Variants in PDLIM7 observed in about 807,000 individuals in gnomAD.
PDLIM7 encodes the protein PDZ and LIM domain protein 7.
Under a neutral mutation model 53.9 loss-of-function variants are expected in PDLIM7, and 37 were observed. The observed-to-expected ratio is 0.69, with a 90% CI of 0.53 to 0.90. PDLIM7 has a LOEUF of 0.90. PDLIM7 is among the 40% of genes least tolerant of loss of function. The pLI is 0.00. For synonymous variants in PDLIM7, 300 were observed against 261.3 expected (o/e 1.15, Z -1.43); for missense variants, 617 against 638.5 (o/e 0.97, Z 0.36).
At chr5:177,492,919 G>C (rs1758880805) in intron 2 of PDLIM7, 1 of 536,140 alleles carries the variant, frequency 1.9e-6, no homozygotes, top group East Asian at 3.0e-5. Context: ...CTCTCCCTCA[G>C]GTGGTGCTCA....
chr5:177,489,564 C>T lies in PDLIM7; in HGVS notation c.698G>A (p.Arg233His), dbSNP rs752935113. The part of the protein sequence containing the change: ...PWAVDPAFAE[R>H]YAPDKTSTVL... ...TGTGCTCGTTTTGTCCGGGGCATAG[C>T]GCTCGGCAAACGCAGGGTCCACAGC... Residue 233 changes from arginine (R) to histidine (H), a missense_variant, in exon 9 of 13, where the codon CGC (arginine) becomes CAC (histidine). Transcript: ENST00000355841. 4.3e-6 allele frequency: 7 copies of T among 1,610,712 alleles called. No homozygotes were observed. The highest frequency in any genetic ancestry group is 2.2e-5 in the South Asian group (2 of 90,646).
intron 5 of PDLIM7, chr5:177,491,549 C>T (rs1158527313): frequency 1.3e-6 from 1 of 797,394 alleles, no homozygotes. Context: ...CTCAGCTGGC[C>T]CGACACCACA....
intron 10 of PDLIM7, among the ~76,000 whole-genome samples, chr5:177,486,797 A>AT (rs1013282611): frequency 1.4e-5 from 2 of 147,758 alleles, no homozygotes; most frequent in Non-Finnish European, 1.5e-5. Context: ...TGCCCGGCCA[A>AT]TTTTTTTGTA....
Position 177,489,597 on chromosome 5 carries a change from G to T in PDLIM7, c.665C>A (p.Pro222Gln). The T allele has an allele frequency of 6.2e-7, 1 of 1,605,526 alleles. No individual in the cohort carries two copies. Among genetic ancestry groups the T allele is most frequent in the East Asian group, 2.2e-5 (1 of 44,700 alleles). ...GPTAPSPTSR[P>Q]PWAVDPAFAE... Reference sequence around the variant, plus strand: ...AAACGCAGGGTCCACAGCCCAGGGCGGGCGGCTGGTAGGGCTGGGGGCGGT... The same window carrying T: ...AAACGCAGGGTCCACAGCCCAGGGCTGGCGGCTGGTAGGGCTGGGGGCGGT... Residue 222 changes from proline to glutamine, a missense_variant, in exon 9 of 13, where the codon CCG becomes CAG. Physicochemically the swap from Pro to Gln is moderately conservative, Grantham distance 76. Coordinates refer to ENST00000355841, the MANE Select transcript of PDLIM7 (RefSeq NM_005451.5).
chr5:177,492,221 T>C, intron 4 of PDLIM7, 184 bp downstream of exon 4: 1 of 703,608 alleles, frequency 1.4e-6, no homozygotes, highest in Non-Finnish European at 2.3e-6. Context: ...CGGACATGCG[T>C]GGTGCCAGGA....
Position 177,484,186 on chromosome 5 carries a change from A to G in PDLIM7, c.1055T>C (p.Ile352Thr). Reference sequence around the variant, plus strand: ...CCAGGTCATCTTCAGGGCGTGCATGATCTCCTGGAAGGAGGTCCCAGTCAC... The same window carrying G: ...CCAGGTCATCTTCAGGGCGTGCATGGTCTCCTGGAAGGAGGTCCCAGTCAC... ...AKCKKKITGE[I>T]MHALKMTWHV... Residue 352 changes from isoleucine to threonine, a missense_variant, in exon 11 of 13, where the codon ATC becomes ACC. Ile to Thr is a moderately conservative substitution (Grantham distance 89). Transcript: ENST00000355841. The G allele has an allele frequency of 6.2e-7, 1 of 1,613,206 alleles. No individual in the cohort carries two copies. The highest frequency in any genetic ancestry group is 8.5e-7 in the Non-Finnish European group (1 of 1,179,938).
At chr5:177,492,132 C>CGA in intron 4 of PDLIM7, 1 of 597,730 alleles carries the variant, frequency 1.7e-6, no homozygotes, top group Admixed American at 3.1e-5. Context: ...CACGCAGGAC[C>CGA]GAGGGCTGAC....
chr5:177,487,309 C>T (rs957449049), intron 10 of PDLIM7, among the ~76,000 whole-genome samples: 1 of 152,232 alleles, frequency 6.6e-6, no homozygotes, highest in African/African-American at 2.4e-5. Context: ...CTATATTTCC[C>T]AGCCTCCGTT....
intron 2 of PDLIM7, among the ~76,000 whole-genome samples, 169 bp downstream of exon 2, chr5:177,496,248 C>T (rs1032562160): frequency 2.6e-5 from 4 of 152,194 alleles, no homozygotes; most frequent in Non-Finnish European, 5.9e-5. Context: ...CCAGTATCCA[C>T]CTCATTGGGA....
At chr5:177,487,460 A>C (rs780657388) in intron 10 of PDLIM7, among the ~76,000 whole-genome samples, 2 of 152,204 alleles carry the variant, frequency 1.3e-5, no homozygotes, top group Non-Finnish European at 2.9e-5. Context: ...CTGGAAGGTG[A>C]GCATTTTGGC....
intron 10 of PDLIM7, among the ~76,000 whole-genome samples, chr5:177,485,661 C>A (rs1485128242): frequency 6.6e-6 from 1 of 152,186 alleles, no homozygotes; most frequent in African/African-American, 2.4e-5. Flanking sequence ...TTCAGGAATG[C>A]CTGCCTGGCT....
At chr5:177,488,460 G>A (rs1758572965) in intron 9 of PDLIM7, among the ~76,000 whole-genome samples, 1 of 152,242 alleles carries the variant, frequency 6.6e-6, no homozygotes, top group Admixed American at 6.5e-5. Context: ...GCTGGTGACA[G>A]GAGAGGCAGC....
intron 10 of PDLIM7, 51 bp downstream of exon 10, chr5:177,488,017 G>A (rs758841151): frequency 1.1e-5 from 17 of 1,524,634 alleles, no homozygotes; most frequent in East Asian, 6.9e-5. Flanking sequence ...AGCAGCCCTC[G>A]TTCCCACTGA....
intron 4 of PDLIM7, 182 bp downstream of exon 4, chr5:177,492,223 G>T: frequency 2.8e-6 from 2 of 721,260 alleles, no homozygotes; most frequent in Non-Finnish European, 4.5e-6. Flanking sequence ...GACATGCGTG[G>T]TGCCAGGACC....
At position 177,491,148 on chromosome 5, in the gene PDLIM7, T is replaced by G; in HGVS notation, c.399-2A>C. On this transcript the variant is annotated splice_acceptor_variant, in intron 5 of 12. Transcript: ENST00000355841. LOFTEE classifies it high-confidence loss of function. ...GGGACCAGCGGTCGGAGCGGCTGTCTGTGGGGAGGGTGTGGCTCAGAACCC... is the reference window on the plus strand; with the variant it reads ...GGGACCAGCGGTCGGAGCGGCTGTCGGTGGGGAGGGTGTGGCTCAGAACCC... 3.2e-6 allele frequency: 5 copies of G among 1,587,294 alleles called. No individual in the cohort carries two copies. The highest frequency in any genetic ancestry group is 4.3e-6 in the Non-Finnish European group (5 of 1,166,730).
At chr5:177,486,971 G>A (rs1222406264) in intron 10 of PDLIM7, among the ~76,000 whole-genome samples, 1 of 82,064 alleles carries the variant, frequency 1.2e-5, no homozygotes, top group Non-Finnish European at 2.2e-5. Flanking sequence ...TTTTTTTGCT[G>A]TCTCCCAGGC....
At chr5:177,491,456 G>A (rs931464326) in intron 5 of PDLIM7, 8 of 1,491,338 alleles carry the variant, frequency 5.4e-6, no homozygotes, top group Middle Eastern at 1.7e-4. Flanking sequence ...CAGATAAAGG[G>A]ACAAAGGGAC....
chr5:177,492,496 G>C (rs556853115), intron 3 of PDLIM7, 30 bp downstream of exon 3: 3 of 1,613,624 alleles, frequency 1.9e-6, no homozygotes, highest in South Asian at 1.1e-5. Context: ...CTGCCAGCGC[G>C]GGCGCACCCA....
intron 2 of PDLIM7, among the ~76,000 whole-genome samples, 195 bp downstream of exon 2, chr5:177,496,222 G>A (rs1759061932): frequency 6.6e-6 from 1 of 152,208 alleles, no homozygotes; most frequent in Non-Finnish European, 1.5e-5. Flanking sequence ...GGCTGGAGAA[G>A]CCTGGGTGCT....
Sources: gnomAD v4.1 joint callset for allele counts (sites outside exome capture counted in the v4.1 genomes callset) on GRCh38, gnomAD v4.1.1 for gene constraint, MANE v1.5 for transcripts, NCBI Gene and HGNC (gene_info 2026-07-23, HGNC 2026-07-21) for gene names.